Variants in SYT11 observed in about 807,000 individuals in gnomAD.
SYT11 encodes synaptotagmin 11, also known as synaptotagmin-11.
SYT11 carries 12 observed loss-of-function variants against 30.4 expected under a neutral mutation model. The observed-to-expected ratio is 0.39, with a 90% CI of 0.25 to 0.64. SYT11 has a LOEUF of 0.64. SYT11 is among the 30% of genes least tolerant of loss of function. The pLI, the probability that SYT11 is intolerant of heterozygous loss-of-function variation, is 0.45. For missense variants in SYT11, 412 were observed against 552.0 expected (o/e 0.75, Z 2.54); for synonymous variants, 204 against 216.0 (o/e 0.94, Z 0.49).
intron 2 of SYT11, among the ~76,000 whole-genome samples, chr1:155,872,218 A>C (rs1672791238): frequency 6.6e-6 from 1 of 152,162 alleles, no homozygotes; most frequent in Admixed American, 6.5e-5. Context: ...CACAAACTGC[A>C]CTCCAGACTG....
chr1:155,864,301 A>G (rs1466078169), intron 1 of SYT11, among the ~76,000 whole-genome samples: 4 of 152,214 alleles, frequency 2.6e-5, no homozygotes, highest in African/African-American at 9.6e-5. Flanking sequence ...AGGGACATAT[A>G]AATTTACACA....
chr1:155,861,180 A>G (rs1404834737), intron 1 of SYT11, among the ~76,000 whole-genome samples: 1 of 152,176 alleles, frequency 6.6e-6, no homozygotes, highest in Non-Finnish European at 1.5e-5. Context: ...CTCATTAACT[A>G]CTTGTTCTCA....
chr1:155,874,522 C>T (rs1021101305), intron 2 of SYT11, among the ~76,000 whole-genome samples: 5 of 139,626 alleles, frequency 3.6e-5, no homozygotes, highest in Non-Finnish European at 8.2e-5. Flanking sequence ...ATCACTTGAG[C>T]CCTGGATGTC....
In SYT11 at chr1:155,881,545, CT is replaced by C. The variant is rs747589513; in HGVS notation, c.*38del. ...TCTCCTCTAATCCCCGGGGGCCAAG[CT>C]GGGGAGGGATGTGGAGGGGAAAAAG... On this transcript the variant is annotated 3_prime_UTR_variant, in exon 4 of 4. Coordinates refer to ENST00000368324, the MANE Select transcript of SYT11 (RefSeq NM_152280.5). 6.5e-7 allele frequency: 1 copy of C among 1,544,110 alleles called. No individual in the cohort carries two copies. The highest frequency in any genetic ancestry group is 8.8e-7 in the Non-Finnish European group (1 of 1,139,372).
At chr1:155,866,645 A>T (rs1672681689) in intron 1 of SYT11, among the ~76,000 whole-genome samples, 1 of 152,006 alleles carries the variant, frequency 6.6e-6, no homozygotes, top group Admixed American at 6.6e-5. Context: ...GGGTGTGTGT[A>T]TCAGAGAGCG....
Position 155,868,354 on chromosome 1 carries a change from G to A in SYT11, c.424G>A (p.Gly142Arg). The A allele has an allele frequency of 6.2e-7, 1 of 1,613,976 alleles. No homozygotes were observed. The highest frequency in any genetic ancestry group is 2.2e-5 in the East Asian group (1 of 44,864). The change falls in exon 2 of 4, where the codon GGG becomes AGG. Residue 142 changes from glycine (G) to arginine (R), a missense_variant. Physicochemically the swap from Gly to Arg is moderately radical, Grantham distance 125. Transcript: ENST00000368324. This position sits in a 1 kb window ranked among gnomAD's most constrained non-coding sequence, Gnocchi z 4.7. ...LRSPITSLTP[G>R]ESKTTSPSSP... ...GAGCCCTATTACAAGCCTGACCCCT[G>A]GGGAGAGCAAAACCACCTCTCCATC...
chr1:155,880,666 C>T (rs372740692), intron 3 of SYT11, 43 bp downstream of exon 3: 1 of 1,609,414 alleles, frequency 6.2e-7, no homozygotes, highest in Non-Finnish European at 8.5e-7. Flanking sequence ...CTGAACCATC[C>T]CCGACTCCTT....
At chr1:155,861,081 G>C (rs979204355) in intron 1 of SYT11, among the ~76,000 whole-genome samples, 1 of 152,146 alleles carries the variant, frequency 6.6e-6, no homozygotes, top group Non-Finnish European at 1.5e-5. Flanking sequence ...AAGAGGTACA[G>C]TGAAATGAGC....
chr1:155,880,183 A>C (rs1334989696), intron 2 of SYT11, among the ~76,000 whole-genome samples: 1 of 151,890 alleles, frequency 6.6e-6, no homozygotes, highest in African/African-American at 2.4e-5. Context: ...CAGAGTGAGA[A>C]CCTGTCTCAA....
chr1:155,869,719 T>C (rs1199225549), intron 2 of SYT11, among the ~76,000 whole-genome samples: 1 of 152,150 alleles, frequency 6.6e-6, no homozygotes, highest in Admixed American at 6.6e-5. Context: ...ACGAGGGCCC[T>C]CCATCCTGCC....
chr1:155,873,584 A>T (rs1361689289), intron 2 of SYT11, among the ~76,000 whole-genome samples: 2 of 152,194 alleles, frequency 1.3e-5, no homozygotes, highest in East Asian at 3.8e-4. Flanking sequence ...ACATTTTATT[A>T]TTATTCATGG....
In SYT11 at chr1:155,882,696, T is replaced by C. The variant is rs750829592; in HGVS notation, c.*1188T>C. 1 of 152,352 alleles carries C rather than the reference T, an allele frequency of 6.6e-6. No homozygotes were observed. Among genetic ancestry groups the C allele is most frequent in the Non-Finnish European group, 1.5e-5 (1 of 68,068 alleles). The allele number at this position is 152,352 out of a possible 1,614,324, so 9.4% of individuals were successfully genotyped here. On this transcript the variant is annotated 3_prime_UTR_variant, in exon 4 of 4. Transcript: ENST00000368324. ...TGATCCCAAAAGCTGTTTTCAGGTATAAGGACAAGGAGAGGAGACAAGTGA... is the reference window on the plus strand; with the variant it reads ...TGATCCCAAAAGCTGTTTTCAGGTACAAGGACAAGGAGAGGAGACAAGTGA...
At chr1:155,879,635 GGTGA>G (rs1052662708) in intron 2 of SYT11, among the ~76,000 whole-genome samples, 1 of 152,150 alleles carries the variant, frequency 6.6e-6, no homozygotes, top group African/African-American at 2.4e-5. Context: ...AAGGACATGT[GGTGA>G]GTAAGTGGCA....
rs1460099125 is a variant in SYT11 at position 155,860,223 on chromosome 1, A to G, written c.34+428A>G. On this transcript the variant is annotated intron_variant, in intron 1 of 3. Coordinates refer to ENST00000368324, the MANE Select transcript of SYT11 (RefSeq NM_152280.5). The surrounding 1 kb of genome is among the most constrained non-coding windows in gnomAD (Gnocchi z 4.1). ...AGGGCTGCGGGGGAGGGAAGTGACA[A>G]GGGGGATGGGGCATCAAGATGGCAG... is the stretch of plus-strand genomic sequence containing the variant. Among the ~76,000 whole-genome samples, 1 of 151,366 alleles carries G rather than the reference A, an allele frequency of 6.6e-6. No homozygotes were observed. The highest frequency in any genetic ancestry group is 1.5e-5 in the Non-Finnish European group (1 of 67,840).
At chr1:155,873,724 C>T (rs1378332740) in intron 2 of SYT11, among the ~76,000 whole-genome samples, 2 of 152,150 alleles carry the variant, frequency 1.3e-5, no homozygotes, top group Non-Finnish European at 2.9e-5. Flanking sequence ...CGCTATTGAG[C>T]ACTTGAAATG....
At chr1:155,863,870 G>A (rs768507124) in intron 1 of SYT11, among the ~76,000 whole-genome samples, 5 of 150,642 alleles carry the variant, frequency 3.3e-5, no homozygotes, top group Admixed American at 6.6e-5. Flanking sequence ...GCAGTGAGCC[G>A]AGATCGCGCC....
rs1334018206 is a variant in SYT11 at position 155,882,193 on chromosome 1, T to C, written c.*685T>C. On this transcript the variant is annotated 3_prime_UTR_variant, in exon 4 of 4. Coordinates refer to ENST00000368324, the MANE Select transcript of SYT11 (RefSeq NM_152280.5). ...GTTGCAGATTTTAATCCATGGAAAT[T>C]GTGTTTTGTGCTGAATTGTATTTGC... 6.6e-6 allele frequency: 1 copy of C among 152,226 alleles called. No homozygotes were observed. The highest frequency in any genetic ancestry group is 1.5e-5 in the Non-Finnish European group (1 of 68,022). The allele number at this position is 152,226 out of a possible 1,614,324, so 9.4% of individuals were successfully genotyped here. A position where few individuals can be genotyped will look rare whatever the true frequency, so the allele number is the denominator to read the frequency against.
At chr1:155,872,355 G>T (rs752810689) in intron 2 of SYT11, among the ~76,000 whole-genome samples, 1 of 152,234 alleles carries the variant, frequency 6.6e-6, no homozygotes, top group Non-Finnish European at 1.5e-5. Context: ...CTCAAGAAGG[G>T]TTTATTGAGC....
Position 155,868,076 on chromosome 1 carries a change from A to G in SYT11, c.146A>G (p.Lys49Arg), listed in dbSNP as rs746345273. The change falls in exon 2 of 4, where the codon AAG becomes AGG. Residue 49 changes from lysine to arginine, a missense_variant. Transcript: ENST00000368324. This position sits in a 1 kb window ranked among gnomAD's most constrained non-coding sequence, Gnocchi z 4.7. ...CCHQQAEKKQKNPPYKFIHML... is the reference protein window; with the variant it reads ...CCHQQAEKKQRNPPYKFIHML... ...CACCAGCAGGCAGAGAAGAAGCAGA[A>G]GAACCCACCATACAAGTTTATTCAC... 58 of 1,613,926 alleles carry G rather than the reference A, an allele frequency of 3.6e-5. No individual in the cohort carries two copies. The highest frequency in any genetic ancestry group is 3.1e-5 in the Non-Finnish European group (37 of 1,180,004).
Sources: gnomAD v4.1 joint callset for allele counts (sites outside exome capture counted in the v4.1 genomes callset) on GRCh38, gnomAD v4.1.1 for gene constraint, Gnocchi (gnomAD v3.1) non-coding constraint, MANE v1.5 for transcripts, NCBI Gene and HGNC (gene_info 2026-07-23, HGNC 2026-07-21) for gene names.